The following SLC6A13 variants were observed in gnomAD, a reference collection of about 807,000 sequenced individuals.
SLC6A13 encodes solute carrier family 6 member 13.
A neutral mutation model predicts 72.9 loss-of-function variants in SLC6A13; 69 were observed. That is an observed-to-expected ratio of 0.95 (90% CI 0.78 to 1.16). The LOEUF is 1.16. Ranked by LOEUF, SLC6A13 falls within the 50% of genes most tolerant of loss-of-function variation. The probability of loss-of-function intolerance (pLI) is 0.00; values close to 1 mark genes in which losing one functional copy is unlikely to be tolerated. For missense variants in SLC6A13, 735 were observed against 760.5 expected, an observed-to-expected ratio of 0.97 and a Z score of 0.39; for synonymous variants, 303 against 303.0, an observed-to-expected ratio of 1.00 and a Z score of 0.00.
chr12:234,502 T>TTTATA (rs1256688122), intron 7 of SLC6A13, among the ~76,000 whole-genome samples: 8 of 152,150 alleles, frequency 5.3e-5, no homozygotes, highest in African/African-American at 1.9e-4. Context: ...TTTATTTCAT[T>TTTATA]TTATTTTATT....
intron 11 of SLC6A13, 77 bp downstream of exon 11, chr12:223,915 G>A (rs1653582385): frequency 3.9e-6 from 6 of 1,532,498 alleles, no homozygotes; most frequent in Non-Finnish European, 5.4e-6. Context: ...GGGAGCCAGG[G>A]TATCTGCCTC....
At position 243,663 on chromosome 12, in the gene SLC6A13, G is replaced by A. The variant is rs751621538; in HGVS notation, c.337+16C>T. 3 of 1,612,082 alleles carry A rather than the reference G, an allele frequency of 1.9e-6. No individual in the cohort carries two copies. The highest frequency in any genetic ancestry group is 2.5e-6 in the Non-Finnish European group (3 of 1,179,204). On this transcript the variant is annotated intron_variant, in intron 3 of 14. Coordinates refer to ENST00000343164, the MANE Select transcript of SLC6A13 (RefSeq NM_016615.5). ...ACGAATGAAGACGCTTTGGAGTCAG[G>A]TACAGAGCTACTCACCCTCAAAGAT... is the stretch of plus-strand genomic sequence containing the variant.
In SLC6A13 at chr12:260,040, C is replaced by T. The variant is rs1591877437; in HGVS notation, c.13G>A (p.Val5Ile). The stretch of plus-strand genomic sequence containing the variant: ...TCTCCATTACTGGTTGTGCCTGAGA[C>T]CCTGCTATCCATCCCACCTGGAAAA... MDSR[V>I]SGTTSNGETK... The change falls in exon 2 of 15, where the codon GTC (valine) becomes ATC (isoleucine). Residue 5 changes from valine to isoleucine, a missense_variant. Transcript: ENST00000343164. The T allele has an allele frequency of 4.3e-6, 7 of 1,612,672 alleles. No individual in the cohort carries two copies. Among genetic ancestry groups the T allele is most frequent in the Non-Finnish European group, 5.9e-6 (7 of 1,178,716 alleles).
intron 1 of SLC6A13, among the ~76,000 whole-genome samples, chr12:260,592 A>C (rs907127529): frequency 6.6e-6 from 1 of 152,264 alleles, no homozygotes; most frequent in Non-Finnish European, 1.5e-5. Flanking sequence ...ATCGGAAAGT[A>C]CATAAATTGT....
intron 1 of SLC6A13, among the ~76,000 whole-genome samples, chr12:262,299 C>A (rs1224448750): frequency 1.3e-5 from 2 of 152,166 alleles, no homozygotes; most frequent in Non-Finnish European, 2.9e-5. Flanking sequence ...TTTCTCATAC[C>A]AATGTCTGAC....
At chr12:228,518 C>T (rs1028556277) in intron 7 of SLC6A13, among the ~76,000 whole-genome samples, 1 of 152,132 alleles carries the variant, frequency 6.6e-6, no homozygotes. Context: ...CCGGATGACC[C>T]GTCCATGTCT....
chr12:227,236 G>A (rs940738553), intron 8 of SLC6A13, among the ~76,000 whole-genome samples: 13 of 152,048 alleles, frequency 8.5e-5, no homozygotes, highest in Admixed American at 6.6e-4. Flanking sequence ...ATAAGGAAAC[G>A]ACATTATTCA....
rs183691278 is a variant in SLC6A13, at chr12:236,003, T to C, written c.697-779A>G. Among the ~76,000 whole-genome samples, 15 of 152,316 alleles carry C rather than the reference T, an allele frequency of 9.8e-5. No individual in the cohort carries two copies. In the East Asian group the frequency reaches 2.5e-3, roughly 25 times the overall value. Reference sequence around the variant, plus strand: ...TAAATCTGTGGTCAGACCAGTTCTCTGCTCTTGAACCCTATTTTCTGTTAT... The same window carrying C: ...TAAATCTGTGGTCAGACCAGTTCTCCGCTCTTGAACCCTATTTTCTGTTAT... On this transcript the variant is annotated intron_variant, in intron 6 of 14. Coordinates refer to ENST00000343164, the MANE Select transcript of SLC6A13 (RefSeq NM_016615.5).
Position 220,853 on chromosome 12 carries a change from C to A in SLC6A13, c.*95G>T, listed in dbSNP as rs370755919. ...CCCTCTTGTCTTATCCACTCCAGGT[C>A]GGGGGCAGGGAAGCACATGGGGCTG... On this transcript the variant is annotated 3_prime_UTR_variant, in exon 15 of 15. Transcript: ENST00000343164. 9.5e-5 allele frequency: 142 copies of A among 1,499,148 alleles called. 1 individual carries two copies. The highest frequency in any genetic ancestry group is 9.3e-4 in the South Asian group (78 of 84,234). 92.9% of individuals were successfully genotyped at this position (1,499,148 alleles called of 1,614,324 possible). A position where few individuals can be genotyped will look rare whatever the true frequency, so the allele number is the denominator to read the frequency against.
chr12:233,947 A>T (rs1376047690), intron 7 of SLC6A13, among the ~76,000 whole-genome samples: 1 of 152,140 alleles, frequency 6.6e-6, no homozygotes, highest in Non-Finnish European at 1.5e-5. Context: ...CCAGGAGGTA[A>T]GGCATTCTAA....
At chr12:236,905 C>T in intron 6 of SLC6A13, 1 of 396,854 alleles carries the variant, frequency 2.5e-6, no homozygotes, top group African/African-American at 2.0e-5. Flanking sequence ...AATGTGCCCA[C>T]CCATCGTCAG....
chr12:234,706 T>C (rs1185519693), intron 7 of SLC6A13, among the ~76,000 whole-genome samples: 2 of 151,864 alleles, frequency 1.3e-5, no homozygotes, highest in Non-Finnish European at 2.9e-5. Context: ...TTAGTAGAGG[T>C]GGGGTTTCAC....
intron 13 of SLC6A13, 141 bp from the exon 14 acceptor site, chr12:221,687 C>A: frequency 1.7e-6 from 1 of 601,992 alleles, no homozygotes; most frequent in Non-Finnish European, 2.9e-6. Flanking sequence ...AGCCTCCAAT[C>A]TTCTCCATCC....
At chr12:236,725 C>A (rs111981027) in intron 6 of SLC6A13, among the ~76,000 whole-genome samples, 1,738 of 152,340 alleles carry the variant, frequency 0.011, 49 homozygotes, top group African/African-American at 0.04. Flanking sequence ...GAGAGGCCCC[C>A]AGGGCAAGAG....
At chr12:222,475 C>G in intron 13 of SLC6A13, 57 bp downstream of exon 13, 1 of 1,144,914 alleles carries the variant, frequency 8.7e-7, no homozygotes, top group Admixed American at 2.1e-5. Flanking sequence ...TTCTCTACCC[C>G]TGCTAGCCAC....
chr12:238,169 A>G, intron 4 of SLC6A13, 159 bp from the exon 5 acceptor site: 2 of 1,534,930 alleles, frequency 1.3e-6, no homozygotes, highest in Non-Finnish European at 1.7e-6. Context: ...ACACGTAATA[A>G]CCTCAACAAA....
At chr12:232,397 C>T (rs1023078032) in intron 7 of SLC6A13, among the ~76,000 whole-genome samples, 1 of 152,222 alleles carries the variant, frequency 6.6e-6, no homozygotes, top group Admixed American at 6.5e-5. Flanking sequence ...CAAAGCCTCC[C>T]CTCCACTCAG....
chr12:250,666 C>T (rs918288439), intron 2 of SLC6A13, among the ~76,000 whole-genome samples: 47 of 151,930 alleles, frequency 3.1e-4, no homozygotes, highest in African/African-American at 1.1e-3. Flanking sequence ...GAGAGTCATA[C>T]CATATTCAGG....
In SLC6A13 at chr12:220,978, G is replaced by A. The variant is rs576535847; in HGVS notation, c.1779C>T (p.Leu593=). ...AGTGAGACTCTAGCTCTGTGAGTCT[G>A]AGCAGTGAGGTCCTGGGGGTGGCGG... ...SAPATPRTSL[L]RLTELESHC is the part of the protein sequence containing the mutation. The change falls in exon 15 of 15, where the codon CTC becomes CTT. Residue 593 remains leucine (L), a synonymous_variant. Transcript: ENST00000343164. The A allele has an allele frequency of 1.2e-4, 197 of 1,612,926 alleles. No individual in the cohort carries two copies. Among genetic ancestry groups the A allele is most frequent in the Non-Finnish European group, 1.5e-4 (181 of 1,179,958 alleles).
Sources: allele counts gnomAD v4.1 joint callset (sites outside exome capture counted in the v4.1 genomes callset), GRCh38; gene constraint gnomAD v4.1.1; transcripts MANE v1.5; gene names NCBI Gene and HGNC (gene_info 2026-07-23, HGNC 2026-07-21).